Variants in NAALADL2 observed in about 807,000 individuals in gnomAD.
The protein encoded by NAALADL2 is N-acetylated alpha-linked acidic dipeptidase like 2.
A neutral mutation model predicts 87.2 loss-of-function variants in NAALADL2; 76 were observed. The observed-to-expected ratio is 0.87, with a 90% CI of 0.72 to 1.05. The LOEUF (loss-of-function observed/expected upper bound fraction) is 1.05. Among genes scored for constraint, NAALADL2 ranks in the 50% least tolerant of loss-of-function variants. The pLI, the probability that NAALADL2 is intolerant of heterozygous loss-of-function variation, is 0.00. For synonymous variants in NAALADL2, 354 were observed against 331.0 expected (o/e 1.07, Z -0.75); for missense variants, 1,089 against 945.8 (o/e 1.15, Z -1.99).
At chr3:174,701,996 C>T (rs1485286660) in intron 2 of NAALADL2, among the ~76,000 whole-genome samples, 1 of 152,074 alleles carries the variant, frequency 6.6e-6, no homozygotes, top group Non-Finnish European at 1.5e-5. Context: ...AAGAAACTGC[C>T]AAATTGTTTT....
At chr3:174,519,465 A>T (rs891815307) in intron 1 of NAALADL2, among the ~76,000 whole-genome samples, 1 of 151,120 alleles carries the variant, frequency 6.6e-6, no homozygotes, top group South Asian at 2.1e-4. Context: ...AATAGCTGGG[A>T]TTATTATATG....
intron 3 of NAALADL2, among the ~76,000 whole-genome samples, chr3:174,844,236 A>T (rs1421610104): frequency 6.6e-6 from 1 of 152,122 alleles, no homozygotes; most frequent in African/African-American, 2.4e-5. Flanking sequence ...AGCACCATTT[A>T]TTGAAGAGAC....
At chr3:174,816,930 A>G (rs2034172178) in intron 3 of NAALADL2, among the ~76,000 whole-genome samples, 1 of 152,188 alleles carries the variant, frequency 6.6e-6, no homozygotes, top group Non-Finnish European at 1.5e-5. Flanking sequence ...TAAATCATAT[A>G]TTGGACTATT....
chr3:174,850,288 A>G (rs572047394), intron 3 of NAALADL2, among the ~76,000 whole-genome samples: 16 of 152,130 alleles, frequency 1.1e-4, no homozygotes, highest in African/African-American at 3.4e-4. Context: ...GAGCTCCTTT[A>G]TATGTTATTT....
At chr3:174,845,345 G>A (rs982969779) in intron 3 of NAALADL2, among the ~76,000 whole-genome samples, 1 of 152,300 alleles carries the variant, frequency 6.6e-6, no homozygotes, top group East Asian at 1.9e-4. Context: ...GGCTGTACTG[G>A]CTCTCTCCAG....
At chr3:174,920,258 T>C (rs1258574580) in intron 1 of NAALADL2, among the ~76,000 whole-genome samples, 2 of 152,250 alleles carry the variant, frequency 1.3e-5, no homozygotes, top group Non-Finnish European at 2.9e-5. Context: ...GTGAAAGTCC[T>C]AGATGTCATC....
chr3:175,367,264 CTTGTAGTATAGT>C (rs1345813030), intron 5 of NAALADL2, among the ~76,000 whole-genome samples: 3 of 151,742 alleles, frequency 2.0e-5, no homozygotes, highest in African/African-American at 4.9e-5. Context: ...TTACTGTAGC[CTTGTAGTATAGT>C]TTGAAGTCAG....
intron 1 of NAALADL2, among the ~76,000 whole-genome samples, chr3:174,861,483 T>TA (rs1726495976): frequency 1.3e-5 from 2 of 152,064 alleles, no homozygotes; most frequent in African/African-American, 4.8e-5. Flanking sequence ...ATGACATTTA[T>TA]AAAAAATTCT....
chr3:174,646,153 C>T (rs1183342659), intron 2 of NAALADL2, among the ~76,000 whole-genome samples: 2 of 151,984 alleles, frequency 1.3e-5, no homozygotes, highest in Non-Finnish European at 2.9e-5. Context: ...AAATAAAACA[C>T]TAAAGTGATT....
chr3:175,512,291 T>C lies in NAALADL2; in HGVS notation c.1653+40533T>C, dbSNP rs79285689. ...ACATGTTTCTTGAACTTCTGGAGCA[T>C]TTTCATAAGCAATTAAGTCCTATGT... On this transcript the variant is annotated intron_variant, in intron 9 of 13. Coordinates refer to ENST00000454872, the MANE Select transcript of NAALADL2 (RefSeq NM_207015.3). 5.1e-3 allele frequency among the ~76,000 whole-genome samples: 782 copies of C among 152,270 alleles called. 4 individuals carry two copies. The highest frequency in any genetic ancestry group is 8.5e-3 in the Non-Finnish European group (580 of 68,020).
intron 9 of NAALADL2, among the ~76,000 whole-genome samples, chr3:175,485,593 C>A (rs1267840140): frequency 1.3e-5 from 2 of 152,236 alleles, no homozygotes; most frequent in South Asian, 4.1e-4. Flanking sequence ...AACCTGGAAC[C>A]TGATGTTCAA....
intron 1 of NAALADL2, among the ~76,000 whole-genome samples, chr3:175,018,605 C>T (rs78500842): frequency 0.024 from 3,608 of 152,126 alleles, 58 homozygotes; most frequent in Non-Finnish European, 0.035. Context: ...CAGCTCACCG[C>T]ATACACATCT....
chr3:175,449,917 T>C (rs1343540996), intron 6 of NAALADL2, among the ~76,000 whole-genome samples: 1 of 152,216 alleles, frequency 6.6e-6, no homozygotes, highest in Non-Finnish European at 1.5e-5. Context: ...TTATGTTTTT[T>C]AAAATTCAAA....
chr3:174,591,963 T>A (rs532146193), intron 2 of NAALADL2, among the ~76,000 whole-genome samples: 4 of 152,172 alleles, frequency 2.6e-5, no homozygotes, highest in African/African-American at 9.6e-5. Context: ...TCAAGATTTT[T>A]ATTTTCTTGG....
intron 2 of NAALADL2, among the ~76,000 whole-genome samples, chr3:174,591,156 C>T (rs1011224982): frequency 1.3e-5 from 2 of 152,278 alleles, no homozygotes; most frequent in Middle Eastern, 6.8e-3. Context: ...ACAGACTGCT[C>T]CTTAATCTTG....
At chr3:174,859,316 A>ATAC (rs1726183508), upstream of NAALADL2, 1 of 904,818 alleles carries the variant, frequency 1.1e-6, no homozygotes, top group Admixed American at 2.0e-5. Flanking sequence ...TACTGTTACA[A>ATAC]TACTACAGTA....
intron 9 of NAALADL2, among the ~76,000 whole-genome samples, chr3:175,488,274 T>TGTCCTCTAGGTCTA (rs1335643025): frequency 1.5e-4 from 23 of 152,354 alleles, no homozygotes; most frequent in African/African-American, 5.3e-4. Context: ...CGAATTAGTT[T>TGTCCTCTAGGTCTA]GAAGACCTAG....
intron 9 of NAALADL2, among the ~76,000 whole-genome samples, chr3:175,557,508 ATT>A (rs5854640): frequency 8.6e-5 from 13 of 151,972 alleles, no homozygotes; most frequent in African/African-American, 3.1e-4. Flanking sequence ...CTTTCTAACT[ATT>A]TTTTTTGTAC....
chr3:175,647,553 C>G (rs1730179304), intron 11 of NAALADL2, among the ~76,000 whole-genome samples: 1 of 152,044 alleles, frequency 6.6e-6, no homozygotes, highest in South Asian at 2.1e-4. Flanking sequence ...CTTTAATTTT[C>G]AAGAGTCTCT....
Sources: gnomAD v4.1 joint callset for allele counts (sites outside exome capture counted in the v4.1 genomes callset) on GRCh38, gnomAD v4.1.1 for gene constraint, MANE v1.5 for transcripts, NCBI Gene and HGNC (gene_info 2026-07-23, HGNC 2026-07-21) for gene names.